Variants in DST observed in about 807,000 individuals in gnomAD.
DST encodes the protein bullous pemphigoid antigen.
In DST, 253 loss-of-function variants were observed where a neutral mutation model predicts 875.2. That is an observed-to-expected ratio of 0.29 (90% CI 0.26 to 0.32). The LOEUF (loss-of-function observed/expected upper bound fraction) is 0.32, where lower values mean the gene tolerates loss of function less well. DST is among the 10% of genes least tolerant of loss of function. The pLI is 1.00. For missense variants in DST, 8,287 were observed against 9,111.6 expected, an observed-to-expected ratio of 0.91 and a Z score of 3.68; for synonymous variants, 3,124 against 3,197.1, an observed-to-expected ratio of 0.98 and a Z score of 0.77.
intron 2 of DST, among the ~76,000 whole-genome samples, chr6:56,912,477 T>A (rs534935410): frequency 1.3e-5 from 2 of 152,364 alleles, no homozygotes; most frequent in African/African-American, 4.8e-5. Flanking sequence ...AAAGTTCTAC[T>A]GAACAGCACT....
At chr6:56,535,426 C>T (rs1421051810) in intron 62 of DST, 134 bp from the exon 63 acceptor site, 8 of 1,079,200 alleles carry the variant, frequency 7.4e-6, no homozygotes, top group South Asian at 1.9e-5. Context: ...TAAAATTTAC[C>T]CAAAGTATCG....
chr6:56,606,109 C>A lies in DST; in HGVS notation c.8519G>T (p.Cys2840Phe). 6.2e-7 allele frequency: 1 copy of A among 1,612,798 alleles called. No individual in the cohort carries two copies. Among genetic ancestry groups the A allele is most frequent in the Non-Finnish European group, 8.5e-7 (1 of 1,179,184 alleles). ...ACTGTTTTCATTTAAAATAGAGGCA[C>A]ACAACTGGATATCCATATCTTCAGC... The part of the protein sequence containing the change: ...NVAEDMDIQL[C>F]ASILNENSDE... Residue 2840 changes from cysteine to phenylalanine, a missense_variant, in exon 40 of 104, where the codon TGT becomes TTT. Cys to Phe is a radical substitution (Grantham distance 205, BLOSUM62 -2). Transcript: ENST00000680361.
Position 56,509,551 on chromosome 6 carries a change from T to C in DST, c.19012+91A>G, listed in dbSNP as rs551494198. 1.6e-5 allele frequency: 15 copies of C among 928,502 alleles called. No individual in the cohort carries two copies. In the Admixed American group the frequency reaches 2.1e-4, roughly 13 times the overall value. 57.5% of individuals were successfully genotyped at this position (928,502 alleles called of 1,614,324 possible). On this transcript the variant is annotated intron_variant, in intron 74 of 103. Transcript: ENST00000680361. Reference sequence around the variant, plus strand: ...CACATTTGTAGTATCTTTTTTAAGATGCGGCATTTTGTTATCCAATTGGAC... The same window carrying C: ...CACATTTGTAGTATCTTTTTTAAGACGCGGCATTTTGTTATCCAATTGGAC...
intron 25 of DST, 31 bp from the exon 26 acceptor site, chr6:56,634,647 A>G (rs748294139): frequency 1.9e-6 from 3 of 1,613,568 alleles, no homozygotes; most frequent in Non-Finnish European, 1.7e-6. Flanking sequence ...GAATAACTCA[A>G]TGAGGTCACT....
chr6:56,872,782 A>T (rs1359016124), intron 3 of DST, among the ~76,000 whole-genome samples: 2 of 151,282 alleles, frequency 1.3e-5, no homozygotes, highest in Non-Finnish European at 2.9e-5. Flanking sequence ...ATTTAAAAAT[A>T]AATAGGTATG....
chr6:56,506,376 T>G lies in DST; in HGVS notation c.19464+67A>C. The stretch of plus-strand genomic sequence containing the variant: ...GGCAGATCTTGAGGTGGTGCCAATA[T>G]GTAGACATCAATTAGTACGATTCCT... On this transcript the variant is annotated intron_variant, in intron 77 of 103. Coordinates refer to ENST00000680361, the MANE Select transcript of DST (RefSeq NM_001374736.1). 3.1e-6 allele frequency: 4 copies of G among 1,296,734 alleles called. No homozygotes were observed. The South Asian group carries it at 5.9e-5, about 19-fold the overall frequency. 80.3% of individuals were successfully genotyped at this position (1,296,734 alleles called of 1,614,324 possible).
At chr6:56,551,765 A>G (rs1257973085) in intron 61 of DST, among the ~76,000 whole-genome samples, 1 of 152,232 alleles carries the variant, frequency 6.6e-6, no homozygotes, top group East Asian at 1.9e-4. Context: ...ATTAAGAAGG[A>G]TGAGAAGATA....
At chr6:56,699,864 C>G (rs866532240) in intron 8 of DST, 119 bp from the exon 9 acceptor site, 1 of 533,734 alleles carries the variant, frequency 1.9e-6, no homozygotes, top group African/African-American at 2.0e-5. Flanking sequence ...AATTTAAACA[C>G]CAGTAGTCAA....
Position 56,560,330 on chromosome 6 carries a change from C to T in DST, c.14404G>A (p.Glu4802Lys). ...AACATCTGTTTCCATCTGGGGGCCT[C>T]AGGAGTATCTGGGTTCTCCTCCAAC... is the stretch of plus-strand genomic sequence containing the variant. ...ELLEENPDTP[E>K]APRWKQMLTE... The change falls in exon 58 of 104, where the codon GAG (glutamate) becomes AAG (lysine). Residue 4802 changes from glutamate to lysine, a missense_variant. Around this residue, in one of 10 missense-constraint regions of DST, gnomAD observed 1,513 missense variants for 1,677.8 expected, o/e 0.90. Transcript: ENST00000680361. 1 of 1,611,408 alleles carries T rather than the reference C, an allele frequency of 6.2e-7. No individual in the cohort carries two copies. Among genetic ancestry groups the T allele is most frequent in the African/African-American group, 1.3e-5 (1 of 74,996 alleles).
At chr6:56,694,117 A>C (rs2099249173) in intron 9 of DST, among the ~76,000 whole-genome samples, 1 of 150,622 alleles carries the variant, frequency 6.6e-6, no homozygotes, top group Non-Finnish European at 1.5e-5. Context: ...GTTAAATATT[A>C]TACAGTTTTT....
intron 4 of DST, among the ~76,000 whole-genome samples, chr6:56,744,367 A>G (rs1356174854): frequency 6.9e-6 from 1 of 145,586 alleles, no homozygotes; most frequent in Non-Finnish European, 1.5e-5. Context: ...ACTTTGAAAA[A>G]GGCTGTATCT....
intron 2 of DST, among the ~76,000 whole-genome samples, chr6:56,907,902 T>C (rs1444488655): frequency 6.6e-6 from 1 of 152,110 alleles, no homozygotes; most frequent in Non-Finnish European, 1.5e-5. Context: ...CTGGGCAACA[T>C]GGTCAAACTC....
In DST at chr6:56,492,365, T is replaced by C. The variant is rs1484320577; in HGVS notation, c.20619A>G (p.Leu6873=). The change falls in exon 85 of 104, where the codon CTA becomes CTG. Residue 6873 remains leucine (L), a synonymous_variant. Transcript: ENST00000680361. ...IIELDKTGTH[L]KYFSQKQDVV... ...CATCTTGTTTCTGACTAAAATATTT[T>C]AGGTGGGTTCCAGTTTTGTCCAGCT... 3.7e-6 allele frequency: 6 copies of C among 1,613,858 alleles called. No individual in the cohort carries two copies. Among genetic ancestry groups the C allele is most frequent in the South Asian group, 2.2e-5 (2 of 91,078 alleles).
At chr6:56,516,731 CTTAA>C (rs1450452504) in intron 71 of DST, among the ~76,000 whole-genome samples, 4 of 152,086 alleles carry the variant, frequency 2.6e-5, no homozygotes, top group African/African-American at 9.7e-5. Flanking sequence ...TGAATGCTTC[CTTAA>C]TTACTCAGAT....
intron 4 of DST, among the ~76,000 whole-genome samples, chr6:56,769,975 A>C (rs2099645427): frequency 6.6e-6 from 1 of 152,266 alleles, no homozygotes; most frequent in African/African-American, 2.4e-5. Flanking sequence ...ACTCATGTGT[A>C]AGGAAATCAA....
chr6:56,739,277 A>T (rs897966806), intron 4 of DST, among the ~76,000 whole-genome samples: 2 of 152,026 alleles, frequency 1.3e-5, no homozygotes, highest in African/African-American at 4.8e-5. Flanking sequence ...TCTTAAAGCA[A>T]TAATGGTGTC....
intron 4 of DST, among the ~76,000 whole-genome samples, chr6:56,798,721 G>A (rs529829939): frequency 6.6e-6 from 1 of 152,062 alleles, no homozygotes; most frequent in African/African-American, 2.4e-5. Flanking sequence ...GATGGATATG[G>A]GTAAATTCAA....
At chr6:56,692,759 T>C in intron 9 of DST, 2 of 1,289,836 alleles carry the variant, frequency 1.6e-6, no homozygotes, top group Non-Finnish European at 2.0e-6. Context: ...TCTGTTTCAC[T>C]GTCTTTAGCA....
At chr6:56,639,398 T>C (rs2098861456) in intron 21 of DST, 35 bp from the exon 22 acceptor site, 1 of 1,612,876 alleles carries the variant, frequency 6.2e-7, no homozygotes, top group African/African-American at 1.3e-5. Flanking sequence ...GTTAGAAAAA[T>C]ATATAAACCT....
Sources: allele counts gnomAD v4.1 joint callset (sites outside exome capture counted in the v4.1 genomes callset), GRCh38; gene constraint gnomAD v4.1.1; regional missense constraint gnomAD v4.1.1; transcripts MANE v1.5; gene names NCBI Gene and HGNC (gene_info 2026-07-23, HGNC 2026-07-21).